Variants in SEMA4D observed in about 807,000 individuals in gnomAD.
SEMA4D encodes the protein semaphorin-4D.
SEMA4D carries 22 observed loss-of-function variants against 74.8 expected under a neutral mutation model. The ratio of observed to expected loss-of-function variants is 0.29; its 90% CI spans 0.21 to 0.42. SEMA4D has a LOEUF of 0.42. SEMA4D is among the 10% of genes least tolerant of loss of function. SEMA4D has a pLI of 1.00. For missense variants in SEMA4D, 937 were observed against 1,118.4 expected, an observed-to-expected ratio of 0.84 and a Z score of 2.31; for synonymous variants, 445 against 463.7, an observed-to-expected ratio of 0.96 and a Z score of 0.52.
intron 2 of SEMA4D, among the ~76,000 whole-genome samples, chr9:89,440,200 C>A (rs573128370): frequency 6.6e-6 from 1 of 152,274 alleles, no homozygotes; most frequent in East Asian, 1.9e-4. Context: ...GTGGTGCTGG[C>A]TCCTCTGCCC....
chr9:89,385,166 C>A (rs1322915447), intron 13 of SEMA4D: 2 of 893,850 alleles, frequency 2.2e-6, no homozygotes, highest in African/African-American at 3.6e-5. Context: ...CTGTGCGGCC[C>A]TCCTCTTCCT....
intron 16 of SEMA4D, among the ~76,000 whole-genome samples, chr9:89,371,378 CAT>C (rs1353334594): frequency 7.3e-5 from 3 of 40,820 alleles, no homozygotes; most frequent in African/African-American, 3.1e-4. Flanking sequence ...TGGGGTGTGG[CAT>C]GTGTGTCTGG....
intron 2 of SEMA4D, among the ~76,000 whole-genome samples, chr9:89,446,153 C>A (rs994279889): frequency 2.8e-4 from 42 of 152,156 alleles, no homozygotes; most frequent in African/African-American, 9.7e-4. Flanking sequence ...CGAGGCCCAG[C>A]CCAATTGGCA....
At chr9:89,453,564 C>T (rs2135483619) in intron 2 of SEMA4D, among the ~76,000 whole-genome samples, 3 of 152,378 alleles carry the variant, frequency 2.0e-5, no homozygotes, top group Admixed American at 2.0e-4. Context: ...AACAGGCCTG[C>T]AGTAGAGACC....
intron 1 of SEMA4D, among the ~76,000 whole-genome samples, chr9:89,482,228 C>T (rs1824772695): frequency 6.6e-6 from 1 of 152,224 alleles, no homozygotes; most frequent in Non-Finnish European, 1.5e-5. Flanking sequence ...GACACGTCCA[C>T]AGAGAATGTG....
At position 89,413,557 on chromosome 9, in the gene SEMA4D, T is replaced by G. The variant is rs539828142; in HGVS notation, c.-243-7858A>C. 2.1e-3 allele frequency among the ~76,000 whole-genome samples: 320 copies of G among 152,390 alleles called. 1 individual carries two copies. Among genetic ancestry groups the G allele is most frequent in the African/African-American group, 6.8e-3 (281 of 41,592 alleles). On this transcript the variant is annotated intron_variant, in intron 2 of 15. Coordinates refer to ENST00000422704, the MANE Select transcript of SEMA4D (RefSeq NM_001371194.2). ...GTGCACCTATCCATGTTTGTACATT[T>G]GTACACATCTGTACAGGTGTGTTGT... is the stretch of plus-strand genomic sequence containing the variant.
At position 89,378,714 on chromosome 9, in the gene SEMA4D, T is replaced by A; in HGVS notation, c.2579A>T (p.Asp860Val). ...GATGCACAGCCGGCCTCAGTCTCCATCTGCGTCTGAGTCAGCGAACTTCAG... is the reference window on the plus strand; with the variant it reads ...GATGCACAGCCGGCCTCAGTCTCCAACTGCGTCTGAGTCAGCGAACTTCAG... ...CELKFADSDA[D>V]GD Residue 860 changes from aspartate to valine, a missense_variant, in exon 16 of 16, where the codon GAT becomes GTT. Coordinates refer to ENST00000422704, the MANE Select transcript of SEMA4D (RefSeq NM_001371194.2). The A allele has an allele frequency of 1.2e-6, 2 of 1,613,144 alleles. No homozygotes were observed. Among genetic ancestry groups the A allele is most frequent in the Non-Finnish European group, 1.7e-6 (2 of 1,179,114 alleles).
rs1454985658 is a variant in SEMA4D, at chr9:89,385,050, G to A, written c.1446+1317C>T. 12 of 985,002 alleles carry A rather than the reference G, an allele frequency of 1.2e-5. No individual in the cohort carries two copies. In the South Asian group the frequency reaches 2.3e-4, roughly 19 times the overall value. 61.0% of individuals were successfully genotyped at this position (985,002 alleles called of 1,614,324 possible). On this transcript the variant is annotated intron_variant, in intron 13 of 15. Transcript: ENST00000422704. ...CAGCAAGCGCTTCCCCAAACCCACT[G>A]GCTCCTCCTCCTGGGCGCGAGGCTC...
intron 4 of SEMA4D, among the ~76,000 whole-genome samples, chr9:89,400,635 T>C (rs1309791830): frequency 6.6e-6 from 1 of 152,210 alleles, no homozygotes; most frequent in Admixed American, 6.5e-5. Flanking sequence ...CAGAGTCTCA[T>C]TTAAAATAGC....
At chr9:89,410,255 C>A (rs973191246) in intron 2 of SEMA4D, among the ~76,000 whole-genome samples, 2 of 152,224 alleles carry the variant, frequency 1.3e-5, no homozygotes, top group Non-Finnish European at 2.9e-5. Context: ...TGCAACCACA[C>A]AGATAACAGT....
At chr9:89,422,368 G>A (rs1001440429) in intron 2 of SEMA4D, among the ~76,000 whole-genome samples, 3 of 152,234 alleles carry the variant, frequency 2.0e-5, no homozygotes, top group Non-Finnish European at 4.4e-5. Flanking sequence ...TTCTGGCTTG[G>A]GGAGGGCAGG....
At chr9:89,440,003 G>A (rs1037610289) in intron 2 of SEMA4D, among the ~76,000 whole-genome samples, 1 of 152,300 alleles carries the variant, frequency 6.6e-6, no homozygotes, top group South Asian at 2.1e-4. Context: ...GTGGACACAC[G>A]TGCTGGGTCA....
rs748376754 is a variant in SEMA4D, at chr9:89,377,897, AAAAAG to A, written c.*802_*806del. 4.6e-5 allele frequency: 7 copies of A among 152,440 alleles called. No homozygotes were observed. The South Asian group carries it at 6.2e-4, about 14-fold the overall frequency. The allele number at this position is 152,440 out of a possible 1,614,324, so 9.4% of individuals were successfully genotyped here. A position where few individuals can be genotyped will look rare whatever the true frequency, so the allele number is the denominator to read the frequency against. ...TTCTTCGAGAGAGTAAAAGTTAAAA[AAAAAG>A]AAAAGTAAAACGAAGTACAGAAAGA... On this transcript the variant is annotated 3_prime_UTR_variant, in exon 16 of 16. Coordinates refer to ENST00000422704, the MANE Select transcript of SEMA4D (RefSeq NM_001371194.2).
rs759275072 is a variant in SEMA4D at position 89,393,571 on chromosome 9, C to T, written c.499G>A (p.Val167Ile). 1.7e-5 allele frequency: 28 copies of T among 1,613,758 alleles called. No individual in the cohort carries two copies. The highest frequency in any genetic ancestry group is 6.7e-5 in the Admixed American group (4 of 59,998). The change falls in exon 7 of 16, where the codon GTC (valine) becomes ATC (isoleucine). Residue 167 changes from valine (V) to isoleucine (I), a missense_variant. Coordinates refer to ENST00000422704, the MANE Select transcript of SEMA4D (RefSeq NM_001371194.2). ...PFDPAHSYTS[V>I]MVDGELYSGT... ...GAGGGGCAGGACTCACCAACCATGA[C>T]GGATGTGTAGCTGTGTGCTGGGTCA...
intron 1 of SEMA4D, among the ~76,000 whole-genome samples, chr9:89,481,759 T>C (rs1277167160): frequency 1.3e-5 from 2 of 152,166 alleles, no homozygotes; most frequent in African/African-American, 4.8e-5. Context: ...CAGCCAAGAT[T>C]AACCTGCGCT....
Position 89,396,740 on chromosome 9 carries a change from G to C in SEMA4D, c.411C>G (p.His137Gln), listed in dbSNP as rs1452882427. 6.2e-7 allele frequency: 1 copy of C among 1,612,818 alleles called. No homozygotes were observed. The highest frequency in any genetic ancestry group is 2.2e-5 in the East Asian group (1 of 44,856). Residue 137 changes from histidine (H) to glutamine (Q), a missense_variant, in exon 6 of 16, where the codon CAC becomes CAG. Transcript: ENST00000422704. ...GGGAGGTGCCCATCAGCCTTACCAG[G>C]TGGTCACAGGCCGGCTGGAATGCGT... ...GTNAFQPACD[H>Q]LNLTSFKFLG...
rs201890163 is a variant in SEMA4D, at chr9:89,391,362, C to T, written c.676G>A (p.Gly226Ser). 2.2e-5 allele frequency: 36 copies of T among 1,614,152 alleles called. No individual in the cohort carries two copies. Among genetic ancestry groups the T allele is most frequent in the East Asian group, 4.5e-5 (2 of 44,902 alleles). ...AAGAAGTAGACCCTGTCATCCTCGC[C>T]GTCGGGGCTGTCTGGGCTTTTTCGG... ...VIRKSPDSPDGEDDRVYFFFT... is the reference protein window; with the variant it reads ...VIRKSPDSPDSEDDRVYFFFT... Residue 226 changes from glycine to serine, a missense_variant, in exon 9 of 16, where the codon GGC becomes AGC. Transcript: ENST00000422704.
chr9:89,485,205 G>A (rs1825080511), intron 1 of SEMA4D, among the ~76,000 whole-genome samples: 2 of 152,150 alleles, frequency 1.3e-5, no homozygotes, highest in Non-Finnish European at 2.9e-5. Context: ...TCCTTGCCAT[G>A]CATGTTGGTT....
intron 2 of SEMA4D, chr9:89,449,527 G>C (rs970759987): frequency 1.3e-6 from 1 of 762,588 alleles, no homozygotes; most frequent in Non-Finnish European, 2.4e-6. Flanking sequence ...CGGCTCAGGG[G>C]AAACGAGGCT....
Sources: gnomAD v4.1 joint callset for allele counts (sites outside exome capture counted in the v4.1 genomes callset) on GRCh38, gnomAD v4.1.1 for gene constraint, MANE v1.5 for transcripts, NCBI Gene and HGNC (gene_info 2026-07-23, HGNC 2026-07-21) for gene names.